The following ZNF443 variants were observed in gnomAD, a reference collection of about 807,000 sequenced individuals.
The protein encoded by ZNF443 is Kruppel-type zinc finger (C2H2).
A neutral mutation model predicts 12.0 loss-of-function variants in ZNF443; 3 were observed. The observed-to-expected ratio is 0.25, with a 90% CI of 0.11 to 0.64. The LOEUF (loss-of-function observed/expected upper bound fraction) is 0.64. Ranked by LOEUF, ZNF443 falls within the 30% of genes least tolerant of loss-of-function variation. The pLI is 0.84. For missense variants in ZNF443, 770 were observed against 808.8 expected (o/e 0.95, Z 0.58); for synonymous variants, 225 against 265.9 (o/e 0.85, Z 1.50).
chr19:12,439,496 A>AT (rs1262063595), intron 1 of ZNF443, among the ~76,000 whole-genome samples: 4 of 151,746 alleles, frequency 2.6e-5, no homozygotes, highest in South Asian at 4.2e-4. Flanking sequence ...GTGGACATCC[A>AT]TTTTTTTTGA....
intron 1 of ZNF443, among the ~76,000 whole-genome samples, chr19:12,434,642 C>CA (rs1009256866): frequency 6.6e-6 from 1 of 151,952 alleles, no homozygotes; most frequent in African/African-American, 2.4e-5. Flanking sequence ...TGCAGCTTTC[C>CA]AAAAACAAAG....
intron 1 of ZNF443, among the ~76,000 whole-genome samples, chr19:12,437,823 T>TG (rs35269958): frequency 0.33 from 49,617 of 151,584 alleles, 8,514 homozygotes; most frequent in South Asian, 0.47. Context: ...ATGGGCATGA[T>TG]GCTCATGCCT....
At chr19:12,434,909 C>T (rs1400701752) in intron 1 of ZNF443, among the ~76,000 whole-genome samples, 5 of 150,590 alleles carry the variant, frequency 3.3e-5, no homozygotes, top group Non-Finnish European at 5.9e-5. Flanking sequence ...TTGCATTTTC[C>T]AATCTGTATA....
At position 12,429,900 on chromosome 19, in the gene ZNF443, C is replaced by G. The variant is rs3178677; in HGVS notation, c.*256G>C. On this transcript the variant is annotated 3_prime_UTR_variant, in exon 4 of 4. Coordinates refer to ENST00000301547, the MANE Select transcript of ZNF443 (RefSeq NM_005815.5). The stretch of plus-strand genomic sequence containing the variant: ...TTAAGTAATCTAGACATAATTGAGA[C>G]TATACAAGAGGATGTGGGTAAGTTA... 12,894 of 595,774 alleles carry G rather than the reference C, an allele frequency of 0.022. 198 individuals carry two copies. The highest frequency in any genetic ancestry group is 0.048 in the Middle Eastern group (103 of 2,164). The allele number at this position is 595,774 out of a possible 1,614,324, so 36.9% of individuals were successfully genotyped here. A position where few individuals can be genotyped will look rare whatever the true frequency, so the allele number is the denominator to read the frequency against.
Position 12,440,962 on chromosome 19 carries a change from C to G in ZNF443, c.-48G>C, listed in dbSNP as rs375002658. On this transcript the variant is annotated 5_prime_UTR_variant, in exon 1 of 4. Transcript: ENST00000301547. ...AGGTCCTACCGACAGCTCCCGCTGC[C>G]AATGCGTGTTCCAGCCAGACAAAGG... is the stretch of plus-strand genomic sequence containing the variant. The G allele has an allele frequency of 1.7e-5, 27 of 1,613,924 alleles. No homozygotes were observed. Among genetic ancestry groups the G allele is most frequent in the Non-Finnish European group, 2.1e-5 (25 of 1,179,862 alleles).
At position 12,440,384 on chromosome 19, in the gene ZNF443, G is replaced by T. The variant is rs1465465002; in HGVS notation, c.3+528C>A. Among the ~76,000 whole-genome samples the T allele has an allele frequency of 2.6e-5, 4 of 152,274 alleles. No homozygotes were observed. The East Asian group carries it at 7.7e-4, about 29-fold the overall frequency. On this transcript the variant is annotated intron_variant, in intron 1 of 3. Transcript: ENST00000301547. ...ATCCTGAATCCCAGCAGAAAGGCTG[G>T]CGCCAACCAGGTTGAAGACCCCACG...
intron 1 of ZNF443, among the ~76,000 whole-genome samples, chr19:12,435,930 G>C (rs61221985): frequency 6.6e-6 from 1 of 150,982 alleles, no homozygotes; most frequent in Non-Finnish European, 1.5e-5. Flanking sequence ...ATTTTCAGAA[G>C]TACCCCATTA....
In ZNF443 at chr19:12,431,606, G is replaced by A. The variant is rs137957971; in HGVS notation, c.566C>T (p.Ala189Val). Residue 189 changes from alanine (A) to valine (V), a missense_variant, in exon 4 of 4, where the codon GCA (alanine) becomes GTA (valine). Ala to Val is a moderately conservative substitution (Grantham distance 64, BLOSUM62 0). Transcript: ENST00000301547. ...SSLGNLQRHMAVQRGDGPYKC... is the reference protein window; with the variant it reads ...SSLGNLQRHMVVQRGDGPYKC... ...ATAAGGTCCATCTCCACGCTGCACT[G>A]CCATGTGTCTTTGAAGGTTTCCCAA... 5.7e-4 allele frequency: 917 copies of A among 1,614,092 alleles called. 5 individuals carry two copies. In the African/African-American group the frequency reaches 0.011, roughly 19 times the overall value.
At position 12,430,344 on chromosome 19, in the gene ZNF443, G is replaced by A. The variant is rs201890439; in HGVS notation, c.1828C>T (p.His610Tyr). The A allele has an allele frequency of 1.2e-6, 2 of 1,613,818 alleles. No individual in the cohort carries two copies. The highest frequency in any genetic ancestry group is 1.7e-6 in the Non-Finnish European group (2 of 1,179,854). ...SRFLQGHEKTHTGENPYECKE... is the reference protein window; with the variant it reads ...SRFLQGHEKTYTGENPYECKE... ...CATTCATACGGGTTCTCTCCAGTAT[G>A]AGTTTTTTCATGTCCTTGAAGAAAA... Residue 610 changes from histidine (H) to tyrosine (Y), a missense_variant, in exon 4 of 4, where the codon CAT (histidine) becomes TAT (tyrosine). Around this residue, in one of 3 missense-constraint regions of ZNF443, gnomAD observed 736 missense variants for 689.4 expected, o/e 1.07. Coordinates refer to ENST00000301547, the MANE Select transcript of ZNF443 (RefSeq NM_005815.5).
intron 1 of ZNF443, among the ~76,000 whole-genome samples, chr19:12,434,473 T>C (rs2862178): frequency 2.6e-5 from 4 of 152,200 alleles, no homozygotes; most frequent in African/African-American, 9.6e-5. Context: ...AAAGACTGCA[T>C]ATATTCTTAG....
At chr19:12,437,424 CAAAG>C (rs1970324860) in intron 1 of ZNF443, among the ~76,000 whole-genome samples, 1 of 145,308 alleles carries the variant, frequency 6.9e-6, no homozygotes, top group Non-Finnish European at 1.5e-5. Context: ...AAAAAAGAAA[CAAAG>C]AAACAAAGAA....
intron 1 of ZNF443, among the ~76,000 whole-genome samples, chr19:12,433,835 G>A (rs1385458018): frequency 1.4e-5 from 2 of 138,188 alleles, no homozygotes; most frequent in African/African-American, 5.6e-5. Context: ...TCTCCAAAGT[G>A]GCAGAAAAAA....
chr19:12,437,440 C>T (rs1599622636), intron 1 of ZNF443, among the ~76,000 whole-genome samples: 1 of 146,212 alleles, frequency 6.8e-6, no homozygotes, highest in East Asian at 2.0e-4. Flanking sequence ...AACAAAGAAA[C>T]AAGTAGACTT....
intron 1 of ZNF443, among the ~76,000 whole-genome samples, chr19:12,437,433 A>AAAGAAAC (rs1289303361): frequency 6.6e-6 from 1 of 151,368 alleles, no homozygotes; most frequent in Non-Finnish European, 1.5e-5. Flanking sequence ...ACAAAGAAAC[A>AAAGAAAC]AAGAAACAAG....
At chr19:12,434,104 C>T (rs1970285148) in intron 1 of ZNF443, among the ~76,000 whole-genome samples, 1 of 152,138 alleles carries the variant, frequency 6.6e-6, no homozygotes, top group Non-Finnish European at 1.5e-5. Context: ...ACTTCCCGGC[C>T]TCCAGAAATG....
intron 1 of ZNF443, among the ~76,000 whole-genome samples, chr19:12,436,707 C>T (rs1259355374): frequency 1.3e-5 from 2 of 151,662 alleles, no homozygotes; most frequent in East Asian, 1.9e-4. Context: ...AAAAGAAGTT[C>T]ATCAGAGAGA....
At chr19:12,432,328 T>C (rs752408599) in intron 3 of ZNF443, 49 bp downstream of exon 3, 1 of 1,461,308 alleles carries the variant, frequency 6.8e-7, no homozygotes, top group Non-Finnish European at 9.4e-7. Flanking sequence ...TTCATGTCAT[T>C]CTCAGAACGG....
chr19:12,437,268 T>C (rs537685513), intron 1 of ZNF443, among the ~76,000 whole-genome samples: 11 of 151,398 alleles, frequency 7.3e-5, no homozygotes, highest in East Asian at 3.9e-4. Flanking sequence ...ATTAGCCAGG[T>C]GTGGTGGCCT....
In ZNF443 at chr19:12,441,015, C is replaced by A; in HGVS notation, c.-101G>T. ...GCCTCAGAACTTCCAGGTCGTCTCT[C>A]AGCTACAGAACCCAGAGCCGAGCGC... On this transcript the variant is annotated 5_prime_UTR_variant, in exon 1 of 4. Transcript: ENST00000301547. 1.2e-6 allele frequency: 2 copies of A among 1,604,030 alleles called. No individual in the cohort carries two copies. Among genetic ancestry groups the A allele is most frequent in the Non-Finnish European group, 1.7e-6 (2 of 1,174,866 alleles).
Sources: allele counts gnomAD v4.1 joint callset (sites outside exome capture counted in the v4.1 genomes callset), GRCh38; gene constraint gnomAD v4.1.1; regional missense constraint gnomAD v4.1.1; transcripts MANE v1.5; gene names NCBI Gene and HGNC (gene_info 2026-07-23, HGNC 2026-07-21).